Variants in BLTP1 observed in about 807,000 individuals in gnomAD.
BLTP1 encodes the protein fragile site-associated protein.
the BLTP1 span, chr4:122,197,244 A>C: frequency 2.2e-5 from 33 of 1,489,534 alleles, no homozygotes; most frequent in Non-Finnish European, 3.0e-5. Context: ...ATATTTAGAA[A>C]TTAATATTCC....
At chr4:122,262,976 G>A in the BLTP1 span, 20 of 1,613,388 alleles carry the variant, frequency 1.2e-5, no homozygotes, top group Admixed American at 6.7e-5. Flanking sequence ...GCTCCCTAAC[G>A]AGAACAGGTA....
At chr4:122,269,023 A>T in the BLTP1 span, 3 of 616,078 alleles carry the variant, frequency 4.9e-6, no homozygotes, top group Non-Finnish European at 6.1e-6. Flanking sequence ...AAACCACAGT[A>T]ACTGAAATTT....
chr4:122,340,801 T>C, the BLTP1 span: 1 of 969,382 alleles, frequency 1.0e-6, no homozygotes, highest in Non-Finnish European at 1.2e-6. Context: ...ATTTTCTGAT[T>C]ATAAAAGTTA....
chr4:122,208,188 A>G, the BLTP1 span: 1 of 817,794 alleles, frequency 1.2e-6, no homozygotes, highest in Non-Finnish European at 1.5e-6. Context: ...TACTACATAG[A>G]CACTATTCCA....
the BLTP1 span, among the ~76,000 whole-genome samples, chr4:122,165,063 C>CAT: frequency 6.6e-6 from 1 of 151,964 alleles, no homozygotes; most frequent in South Asian, 2.1e-4. Flanking sequence ...TGTAGTTGCA[C>CAT]CTATGTTGTC....
the BLTP1 span, chr4:122,167,885 T>C: frequency 1.0e-6 from 1 of 985,438 alleles, no homozygotes; most frequent in Non-Finnish European, 1.2e-6. Flanking sequence ...CCAGTTTGTA[T>C]TTTGTTCCAC....
the BLTP1 span, among the ~76,000 whole-genome samples, chr4:122,172,083 AT>A: frequency 8.0e-5 from 12 of 149,924 alleles, no homozygotes; most frequent in East Asian, 5.8e-4. Context: ...TTTTTCTAGA[AT>A]TTTTTTTTTT....
chr4:122,219,967 G>A, the BLTP1 span, among the ~76,000 whole-genome samples: 1 of 152,072 alleles, frequency 6.6e-6, no homozygotes, highest in Non-Finnish European at 1.5e-5. Flanking sequence ...CTTGACCCTG[G>A]GGGTTGAATT....
At chr4:122,317,098 G>A in the BLTP1 span, among the ~76,000 whole-genome samples, 3,472 of 152,218 alleles carry the variant, frequency 0.023, 62 homozygotes, top group Middle Eastern at 0.058. Flanking sequence ...TTGGGAGGCC[G>A]AGGCAGGTGG....
the BLTP1 span, chr4:122,301,370 C>T: frequency 3.1e-6 from 5 of 1,598,192 alleles, no homozygotes; most frequent in Non-Finnish European, 3.4e-6. Flanking sequence ...CTAAAATTCT[C>T]CTCTATTCCC....
chr4:122,350,312 C>T, the BLTP1 span: 342 of 985,044 alleles, frequency 3.5e-4, no homozygotes, highest in African/African-American at 5.8e-3. Flanking sequence ...CATCCATACC[C>T]ACTCCACGCT....
the BLTP1 span, among the ~76,000 whole-genome samples, chr4:122,352,270 T>A: frequency 6.6e-6 from 1 of 152,132 alleles, no homozygotes; most frequent in South Asian, 2.1e-4. Context: ...TACAAAGTTA[T>A]AATGAGAATT....
At chr4:122,203,549 G>A in the BLTP1 span, among the ~76,000 whole-genome samples, 2 of 151,800 alleles carry the variant, frequency 1.3e-5, no homozygotes, top group Non-Finnish European at 3.0e-5. Flanking sequence ...TTGTACAAAT[G>A]AGTAAGGCAG....
chr4:122,326,835 C>T, the BLTP1 span, among the ~76,000 whole-genome samples: 2 of 151,706 alleles, frequency 1.3e-5, no homozygotes, highest in East Asian at 3.9e-4. Context: ...TTTATTGTCT[C>T]TTACCAAAGT....
chr4:122,246,838 A>G, the BLTP1 span: 80 of 1,603,584 alleles, frequency 5.0e-5, no homozygotes, highest in Non-Finnish European at 6.3e-5. Context: ...AATCTGAGCC[A>G]TGATTATCTT....
chr4:122,252,968 C>T, the BLTP1 span, among the ~76,000 whole-genome samples: 1 of 152,280 alleles, frequency 6.6e-6, no homozygotes, highest in African/African-American at 2.4e-5. Context: ...AGAGACTCTG[C>T]TTGGGAGAAA....
the BLTP1 span, chr4:122,207,021 A>G: frequency 1.6e-6 from 2 of 1,247,852 alleles, no homozygotes; most frequent in Non-Finnish European, 1.1e-6. Context: ...AGAAAAATTC[A>G]TTTTTGACTG....
chr4:122,165,661 G>A, the BLTP1 span, among the ~76,000 whole-genome samples: 5 of 128,372 alleles, frequency 3.9e-5, 1 homozygote, highest in African/African-American at 1.3e-4. Flanking sequence ...GACTTCCACA[G>A]TGGTTGAACT....
the BLTP1 span, among the ~76,000 whole-genome samples, chr4:122,168,476 T>C: frequency 2.0e-5 from 3 of 152,202 alleles, no homozygotes; most frequent in African/African-American, 7.2e-5. Flanking sequence ...AGTATGAAAT[T>C]GATACATATG....
Sources: allele counts gnomAD v4.1 joint callset (sites outside exome capture counted in the v4.1 genomes callset), GRCh38; gene constraint gnomAD v4.1.1; transcripts MANE v1.5; gene names NCBI Gene and HGNC (gene_info 2026-07-23, HGNC 2026-07-21).